DGKB: variants seen among roughly 807,000 people sequenced by gnomAD.
DGKB encodes 90 kDa diacylglycerol kinase.
DGKB carries 67 observed loss-of-function variants against 114.3 expected under a neutral mutation model. The ratio of observed to expected loss-of-function variants is 0.59; its 90% CI spans 0.48 to 0.72. DGKB has a LOEUF of 0.72. DGKB is among the 30% of genes least tolerant of loss of function. DGKB has a pLI of 0.00. For missense variants in DGKB, 907 were observed against 975.2 expected, an observed-to-expected ratio of 0.93 and a Z score of 0.93; for synonymous variants, 398 against 323.1, an observed-to-expected ratio of 1.23 and a Z score of -2.49.
chr7:14,901,605 A>ACCCCCCCCC (rs1300363624), intron 1 of DGKB, among the ~76,000 whole-genome samples: 11 of 123,162 alleles, frequency 8.9e-5, no homozygotes, highest in East Asian at 2.7e-4. Context: ...AGGGATTTCC[A>ACCCCCCCCC]CCCCCCCCCA....
intron 1 of DGKB, among the ~76,000 whole-genome samples, chr7:14,886,037 G>A (rs938613144): frequency 2.0e-5 from 3 of 151,820 alleles, no homozygotes; most frequent in Admixed American, 1.3e-4. Context: ...ATAGTGAGGA[G>A]GATGGAATAC....
rs149669059 is a variant in DGKB, at chr7:14,299,464, G to C, written c.2122+39051C>G. Reference sequence around the variant, plus strand: ...GATAGATAAATTACAGAATATATTAGTGAGAGGTTTTGAAGAAAAGGCAGT... The same window carrying C: ...GATAGATAAATTACAGAATATATTACTGAGAGGTTTTGAAGAAAAGGCAGT... On this transcript the variant is annotated intron_variant, in intron 23 of 25. Transcript: ENST00000402815. Among the ~76,000 whole-genome samples the C allele has an allele frequency of 1.5e-3, 229 of 152,186 alleles. 1 individual carries two copies. Among genetic ancestry groups the C allele is most frequent in the African/African-American group, 5.3e-3 (219 of 41,554 alleles).
intron 21 of DGKB, among the ~76,000 whole-genome samples, chr7:14,443,582 A>T (rs1252969649): frequency 6.6e-6 from 1 of 152,002 alleles, no homozygotes; most frequent in African/African-American, 2.4e-5. Flanking sequence ...CTGTACTCTG[A>T]CTTCTATTGT....
At chr7:14,757,465 T>G (rs921052190) in intron 3 of DGKB, among the ~76,000 whole-genome samples, 190 bp downstream of exon 3, 4 of 147,872 alleles carry the variant, frequency 2.7e-5, no homozygotes, top group African/African-American at 5.2e-5. Context: ...GGTAAATGGT[T>G]TATGGTGTGC....
intron 23 of DGKB, among the ~76,000 whole-genome samples, chr7:14,186,440 A>G (rs1783447324): frequency 6.6e-6 from 1 of 152,206 alleles, no homozygotes; most frequent in Non-Finnish European, 1.5e-5. Flanking sequence ...TAGCACAGCC[A>G]CTATAAAAAA....
At chr7:14,663,378 G>C (rs1032220393) in intron 13 of DGKB, among the ~76,000 whole-genome samples, 10 of 151,890 alleles carry the variant, frequency 6.6e-5, no homozygotes, top group African/African-American at 2.2e-4. Flanking sequence ...TAGGTCTCTT[G>C]CCCTTTTCAA....
chr7:14,719,351 T>TGAA (rs1828768421), intron 5 of DGKB, among the ~76,000 whole-genome samples: 1 of 152,202 alleles, frequency 6.6e-6, no homozygotes, highest in African/African-American at 2.4e-5. Flanking sequence ...GTGTCTGTTC[T>TGAA]ATCACAAGGA....
At chr7:14,846,360 A>G (rs563297187) in intron 1 of DGKB, among the ~76,000 whole-genome samples, 5 of 152,340 alleles carry the variant, frequency 3.3e-5, no homozygotes, top group African/African-American at 1.2e-4. Flanking sequence ...AATAGTAAAA[A>G]TAAGGGTTGG....
At chr7:14,337,604 G>A (rs1810917636) in intron 23 of DGKB, among the ~76,000 whole-genome samples, 1 of 151,962 alleles carries the variant, frequency 6.6e-6, no homozygotes, top group South Asian at 2.1e-4. Context: ...CCACCATAAA[G>A]CCCACCAACC....
At chr7:14,825,055 T>TCA (rs1312442298) in intron 2 of DGKB, among the ~76,000 whole-genome samples, 3 of 135,394 alleles carry the variant, frequency 2.2e-5, no homozygotes, top group Non-Finnish European at 4.7e-5. Flanking sequence ...TATATATATA[T>TCA]ATCACATGTA....
chr7:14,238,524 A>G (rs1386884601), intron 23 of DGKB, among the ~76,000 whole-genome samples: 1 of 152,052 alleles, frequency 6.6e-6, no homozygotes, highest in Non-Finnish European at 1.5e-5. Context: ...AGGAATTTCC[A>G]GGCTACATTT....
chr7:14,457,698 G>A (rs1269893107), intron 21 of DGKB, among the ~76,000 whole-genome samples: 1 of 152,082 alleles, frequency 6.6e-6, no homozygotes, highest in East Asian at 1.9e-4. Context: ...CATCAAATGG[G>A]ATCAAAAGCT....
chr7:14,640,905 T>G (rs1487514193), intron 13 of DGKB, among the ~76,000 whole-genome samples: 1 of 152,208 alleles, frequency 6.6e-6, no homozygotes, highest in Non-Finnish European at 1.5e-5. Flanking sequence ...TGTCTGGTTT[T>G]GACTGCATTC....
At chr7:14,928,022 G>C (rs772211284) in intron 1 of DGKB, among the ~76,000 whole-genome samples, 2 of 151,862 alleles carry the variant, frequency 1.3e-5, no homozygotes, top group Non-Finnish European at 2.9e-5. Flanking sequence ...ACATCTAGAT[G>C]ACATGAGAAG....
rs773269573 is a variant in DGKB, at chr7:14,716,072, G to A, written c.466+2470C>T. On this transcript the variant is annotated intron_variant, in intron 6 of 25. Transcript: ENST00000402815. The stretch of plus-strand genomic sequence containing the variant: ...ATAAACATTGACAACAGTGTAATTC[G>A]TTTATCTAATAACCCAGGTAAAATA... Among the ~76,000 whole-genome samples, 8 of 152,206 alleles carry A rather than the reference G, an allele frequency of 5.3e-5. No homozygotes were observed. The East Asian group carries it at 5.8e-4, about 11-fold the overall frequency.
chr7:14,636,415 G>A (rs1045562463), intron 13 of DGKB, among the ~76,000 whole-genome samples: 1 of 151,796 alleles, frequency 6.6e-6, no homozygotes, highest in African/African-American at 2.4e-5. Flanking sequence ...TGAAATAAAA[G>A]AGGGTAGCGA....
At chr7:14,880,412 C>T (rs1022356222) in intron 1 of DGKB, among the ~76,000 whole-genome samples, 7 of 152,084 alleles carry the variant, frequency 4.6e-5, no homozygotes, top group South Asian at 2.1e-4. Flanking sequence ...GAGCCAAGAC[C>T]GTGCCATTGC....
chr7:14,387,097 ATTATTTAT>A (rs140868127), intron 21 of DGKB, among the ~76,000 whole-genome samples: 39 of 147,330 alleles, frequency 2.6e-4, no homozygotes, highest in South Asian at 6.8e-4. Context: ...GTTTCTTTTG[ATTATTTAT>A]TTATTTATTT....
Position 14,841,353 on chromosome 7 carries a change from G to T in DGKB, c.-90C>A. On this transcript the variant is annotated 5_prime_UTR_variant, in exon 2 of 26. Coordinates refer to ENST00000402815, the MANE Select transcript of DGKB (RefSeq NM_001350709.2). ...GTCTATGCTTCAAAGATTCCACATG[G>T]CATGTTTCATGATAAAATACCTCAG... is the stretch of plus-strand genomic sequence containing the variant. 9.0e-7 allele frequency: 1 copy of T among 1,107,132 alleles called. No individual in the cohort carries two copies. The highest frequency in any genetic ancestry group is 1.3e-6 in the Non-Finnish European group (1 of 765,862). 68.6% of individuals were successfully genotyped at this position (1,107,132 alleles called of 1,614,324 possible). A position where few individuals can be genotyped will look rare whatever the true frequency, so the allele number is the denominator to read the frequency against.
Sources: gnomAD v4.1 joint callset for allele counts (sites outside exome capture counted in the v4.1 genomes callset) on GRCh38, gnomAD v4.1.1 for gene constraint, MANE v1.5 for transcripts, NCBI Gene and HGNC (gene_info 2026-07-23, HGNC 2026-07-21) for gene names.